Variants in ACLY observed in about 807,000 individuals in gnomAD.
The protein encoded by ACLY is ATP-citrate synthase.
In ACLY, 41 loss-of-function variants were observed where a neutral mutation model predicts 133.0. The observed-to-expected ratio is 0.31, with a 90% confidence interval of 0.24 to 0.40. The LOEUF (loss-of-function observed/expected upper bound fraction) is 0.40, where lower values mean the gene tolerates loss of function less well. Among genes scored for constraint, ACLY ranks in the 10% least tolerant of loss-of-function variants. ACLY has a pLI of 1.00. For synonymous variants in ACLY, 495 were observed against 549.3 expected (o/e 0.90, Z 1.38); for missense variants, 1,046 against 1,453.8 (o/e 0.72, Z 4.56).
chr17:41,927,150 G>A (rs187494205), intron 1 of ACLY, among the ~76,000 whole-genome samples: 1 of 152,316 alleles, frequency 6.6e-6, no homozygotes, highest in East Asian at 1.9e-4. Context: ...TTACAGGCTT[G>A]AGCCACCATG....
chr17:41,894,203 C>A (rs1161594928), intron 14 of ACLY, among the ~76,000 whole-genome samples: 1 of 116,868 alleles, frequency 8.6e-6, no homozygotes. Flanking sequence ...GGTGACAGAG[C>A]GGGACTCCAT....
rs782564502 is a variant in ACLY, at chr17:41,910,209, G to A, written c.345+13C>T. 2.1e-5 allele frequency: 34 copies of A among 1,612,360 alleles called. No homozygotes were observed. The highest frequency in any genetic ancestry group is 4.4e-5 in the South Asian group (4 of 90,730). On this transcript the variant is annotated intron_variant, in intron 4 of 28. Transcript: ENST00000352035. The stretch of plus-strand genomic sequence containing the variant: ...GAGGGAGAAGACCCAGCCTGGAGCC[G>A]CCTCACACATACCTGACTGTGGGGG...
Position 41,883,192 on chromosome 17 carries a change from T to G in ACLY, c.2195A>C (p.Lys732Thr). The change falls in exon 20 of 29, where the codon AAG becomes ACG. Residue 732 changes from lysine (K) to threonine (T), a missense_variant. By Grantham distance (78) the Lys-to-Thr change is moderately conservative (BLOSUM62 -1). Around this residue, in one of 4 missense-constraint regions of ACLY, gnomAD observed 575 missense variants for 804.2 expected, o/e 0.71. Coordinates refer to ENST00000352035, the MANE Select transcript of ACLY (RefSeq NM_001096.3). ...GATGGGCTTAGTGAGGCGGCCCTCC[T>G]TGATGCCCCGGCAAATCTTATATTC... ...TEEYKICRGI[K>T]EGRLTKPIVC... 1 of 1,614,054 alleles carries G rather than the reference T, an allele frequency of 6.2e-7. No homozygotes were observed. Among genetic ancestry groups the G allele is most frequent in the Non-Finnish European group, 8.5e-7 (1 of 1,180,038 alleles).
intron 17 of ACLY, 94 bp downstream of exon 17, chr17:41,887,504 AG>A (rs2049085963): frequency 1.0e-6 from 1 of 958,874 alleles, no homozygotes; most frequent in Admixed American, 1.8e-5. Context: ...TCAACCTAGG[AG>A]GGAGATAGAG....
At chr17:41,902,505 C>T (rs898369048) in intron 10 of ACLY, among the ~76,000 whole-genome samples, 47 of 152,342 alleles carry the variant, frequency 3.1e-4, no homozygotes, top group African/African-American at 9.6e-4. Flanking sequence ...TGAGCCACCG[C>T]GCCCAGCGCG....
chr17:41,924,487 C>T (rs2050219030), intron 1 of ACLY, among the ~76,000 whole-genome samples: 2 of 152,148 alleles, frequency 1.3e-5, no homozygotes, highest in South Asian at 4.2e-4. Flanking sequence ...TGTAGAGTAT[C>T]CAGTTCTAAA....
chr17:41,926,759 G>C (rs2050248531), intron 1 of ACLY, among the ~76,000 whole-genome samples: 1 of 152,178 alleles, frequency 6.6e-6, no homozygotes, highest in Non-Finnish European at 1.5e-5. Flanking sequence ...AAAGTGCTGG[G>C]ATTATAGGCA....
Position 41,886,174 on chromosome 17 carries a change from G to C in ACLY, c.2010C>G (p.Leu670=). Residue 670 remains leucine, a synonymous_variant, in exon 18 of 29, where the codon CTC becomes CTG. Coordinates refer to ENST00000352035, the MANE Select transcript of ACLY (RefSeq NM_001096.3). ...VSRSGGMSNE[L]NNIISRTTDG... is the part of the protein sequence containing the mutation. The stretch of plus-strand genomic sequence containing the variant: ...CCGTGGTCCGAGAGATGATATTGTT[G>C]AGCTCGTTGGACATGCCTCCGGAAC... 2 of 1,614,174 alleles carry C rather than the reference G, an allele frequency of 1.2e-6. No individual in the cohort carries two copies. The highest frequency in any genetic ancestry group is 1.7e-6 in the Non-Finnish European group (2 of 1,180,022).
Position 41,900,069 on chromosome 17 carries a change from C to CAAAA in ACLY, c.1184-1288_1184-1285dup, listed in dbSNP as rs60296550. 5.9e-3 allele frequency among the ~76,000 whole-genome samples: 277 copies of CAAAA among 46,592 alleles called. 48 individuals are homozygous for CAAAA. The highest frequency in any genetic ancestry group is 7.7e-3 in the Non-Finnish European group (184 of 23,794). 30.6% of individuals were successfully genotyped at this position (46,592 alleles called of 152,430 possible). On this transcript the variant is annotated intron_variant, in intron 11 of 28. Coordinates refer to ENST00000352035, the MANE Select transcript of ACLY (RefSeq NM_001096.3). ...GGGTGACAGAGTGAGACCCTGTCTC[C>CAAAA]AAAAAAAAAAAAAAAAAAAAAAAAA... is the stretch of plus-strand genomic sequence containing the variant.
Position 41,906,747 on chromosome 17 carries a change from G to T in ACLY, c.748-101C>A. 4 of 1,074,818 alleles carry T rather than the reference G, an allele frequency of 3.7e-6. No homozygotes were observed. In the South Asian group the frequency reaches 3.9e-5, roughly 11 times the overall value. 66.6% of individuals were successfully genotyped at this position (1,074,818 alleles called of 1,614,324 possible). On this transcript the variant is annotated intron_variant, in intron 7 of 28. Coordinates refer to ENST00000352035, the MANE Select transcript of ACLY (RefSeq NM_001096.3). ...GCTTTCCCTGGAAGCACATGAAAAG[G>T]TGCCTTAATGGGGTGGGAAGAAGGG...
At chr17:41,929,865 C>CGTGTGTGTGT (rs34705137) in intron 1 of ACLY, among the ~76,000 whole-genome samples, 19 of 150,064 alleles carry the variant, frequency 1.3e-4, no homozygotes, top group Non-Finnish European at 2.2e-4. Context: ...ACATGTATGC[C>CGTGTGTGTGT]GTGTGTGTGT....
At chr17:41,915,307 C>A (rs1423955236) in intron 1 of ACLY, among the ~76,000 whole-genome samples, 1 of 152,080 alleles carries the variant, frequency 6.6e-6, no homozygotes, top group Non-Finnish European at 1.5e-5. Context: ...ACTCCTGACT[C>A]CCCCAAAGCC....
chr17:41,910,331 TG>T, intron 3 of ACLY, 47 bp from the exon 4 acceptor site: 1 of 1,569,506 alleles, frequency 6.4e-7, no homozygotes, highest in Admixed American at 1.7e-5. Flanking sequence ...CAGCACGTCT[TG>T]CCCCTAGGGC....
upstream of ACLY, among the ~76,000 whole-genome samples, chr17:41,920,077 C>A (rs1235862467): frequency 6.6e-6 from 1 of 152,188 alleles, no homozygotes; most frequent in Non-Finnish European, 1.5e-5. Context: ...GGCCTGTCCC[C>A]CTGCCAAGCA....
In ACLY at chr17:41,884,279, T is replaced by G. The variant is rs782803546; in HGVS notation, c.2073-5A>C. 1 of 1,596,568 alleles carries G rather than the reference T, an allele frequency of 6.3e-7. No homozygotes were observed. The highest frequency in any genetic ancestry group is 1.1e-5 in the South Asian group (1 of 90,722). Reference sequence around the variant, plus strand: ...ATGAATGTGGAGCCCGGGTACCTGTTGAGAGCAGGGAGTATCAGGATACAG... The same window carrying G: ...ATGAATGTGGAGCCCGGGTACCTGTGGAGAGCAGGGAGTATCAGGATACAG... On this transcript the variant is annotated splice_region_variant and splice_polypyrimidine_tract_variant and intron_variant, in intron 18 of 28. Transcript: ENST00000352035.
rs781805700 is a variant in ACLY at position 41,878,208 on chromosome 17, G to GA, written c.2394-13dup. 6.9e-5 allele frequency: 106 copies of GA among 1,535,434 alleles called. No homozygotes were observed. The highest frequency in any genetic ancestry group is 1.4e-4 in the South Asian group (11 of 80,792). ...CTTCGTATACAGACCTGGGAGGCAG[G>GA]AAAAAAAAGACATCCATGTGGATTT... is the stretch of plus-strand genomic sequence containing the variant. On this transcript the variant is annotated splice_polypyrimidine_tract_variant and intron_variant, in intron 21 of 28. Coordinates refer to ENST00000352035, the MANE Select transcript of ACLY (RefSeq NM_001096.3).
chr17:41,915,142 G>A (rs2050017968), intron 1 of ACLY, among the ~76,000 whole-genome samples: 1 of 152,138 alleles, frequency 6.6e-6, no homozygotes, highest in African/African-American at 2.4e-5. Context: ...ACTTCAAAGA[G>A]TCTATGATAA....
intron 11 of ACLY, among the ~76,000 whole-genome samples, chr17:41,901,028 C>G (rs2049523503): frequency 6.6e-6 from 1 of 151,876 alleles, no homozygotes; most frequent in Non-Finnish European, 1.5e-5. Context: ...GATCACGGCT[C>G]ACTGCAGCCT....
intron 20 of ACLY, among the ~76,000 whole-genome samples, chr17:41,881,926 T>C (rs1422485425): frequency 1.3e-5 from 2 of 152,220 alleles, no homozygotes; most frequent in African/African-American, 4.8e-5. Context: ...TATAAGCATT[T>C]ACTGAACTCT....
Sources: allele counts gnomAD v4.1 joint callset (sites outside exome capture counted in the v4.1 genomes callset), GRCh38; gene constraint gnomAD v4.1.1; regional missense constraint gnomAD v4.1.1; transcripts MANE v1.5; gene names NCBI Gene and HGNC (gene_info 2026-07-23, HGNC 2026-07-21).